The following PCBP3 variants were observed in gnomAD, a reference collection of about 807,000 sequenced individuals.
The protein encoded by PCBP3 is poly(rC) binding protein 3, also known as poly(rC)-binding protein 3.
In PCBP3, 25 loss-of-function variants were observed where a neutral mutation model predicts 52.7. The observed-to-expected ratio is 0.47, with a 90% CI of 0.35 to 0.66. PCBP3 has a LOEUF of 0.66. Among genes scored for constraint, PCBP3 ranks in the 30% least tolerant of loss-of-function variants. The pLI is 0.01. For missense variants in PCBP3, 391 were observed against 490.3 expected, an observed-to-expected ratio of 0.80 and a Z score of 1.91; for synonymous variants, 162 against 183.0, an observed-to-expected ratio of 0.89 and a Z score of 0.93.
intron 1 of PCBP3, among the ~76,000 whole-genome samples, chr21:45,648,633 G>A (rs1452598050): frequency 6.6e-6 from 1 of 152,194 alleles, no homozygotes. Context: ...CTTTCCAGAG[G>A]TTTGTTTCTT....
chr21:45,672,148 A>C (rs1245832495), intron 2 of PCBP3, among the ~76,000 whole-genome samples: 4 of 152,102 alleles, frequency 2.6e-5, no homozygotes, highest in Non-Finnish European at 5.9e-5. Context: ...TTATAAAAAG[A>C]GGAAGAGAGA....
At chr21:45,906,903 G>A (rs1376432114) in intron 9 of PCBP3, among the ~76,000 whole-genome samples, 3 of 152,306 alleles carry the variant, frequency 2.0e-5, no homozygotes, top group Middle Eastern at 3.4e-3. Flanking sequence ...GATTTGAAAC[G>A]CCTCCCAGGG....
Position 45,741,488 on chromosome 21 carries a change from T to C in PCBP3, c.-162+6059T>C, listed in dbSNP as rs1459337562. On this transcript the variant is annotated intron_variant, in intron 3 of 17. Transcript: ENST00000681687. The surrounding 1 kb of genome is among the most constrained non-coding windows in gnomAD (Gnocchi z 4.5). ...ACAGCTGATACATAAAGTTGTAAGA[T>C]CAAGAATAGCAATACAAACTCAGTA... Among the ~76,000 whole-genome samples, 1 of 151,640 alleles carries C rather than the reference T, an allele frequency of 6.6e-6. No homozygotes were observed. The highest frequency in any genetic ancestry group is 1.5e-5 in the Non-Finnish European group (1 of 67,954).
intron 14 of PCBP3, among the ~76,000 whole-genome samples, chr21:45,930,196 G>A (rs1176849702): frequency 6.6e-6 from 1 of 152,160 alleles, no homozygotes; most frequent in Non-Finnish European, 1.5e-5. Flanking sequence ...CGCTCCCACT[G>A]TTGGGGGCTG....
At chr21:45,873,675 G>A (rs551484697) in intron 5 of PCBP3, among the ~76,000 whole-genome samples, 48 of 152,324 alleles carry the variant, frequency 3.2e-4, no homozygotes, top group African/African-American at 7.9e-4. Context: ...GGGACCACGC[G>A]CTGGGTACTG....
intron 5 of PCBP3, among the ~76,000 whole-genome samples, chr21:45,882,131 C>T (rs2095419336): frequency 6.6e-6 from 1 of 152,216 alleles, no homozygotes; most frequent in Non-Finnish European, 1.5e-5. Flanking sequence ...AATGACTGTA[C>T]TAAGTTTCCC....
At chr21:45,892,084 C>T (rs1339037836) in intron 5 of PCBP3, among the ~76,000 whole-genome samples, 3 of 152,278 alleles carry the variant, frequency 2.0e-5, no homozygotes, top group African/African-American at 7.2e-5. Flanking sequence ...TGGAGTCCAC[C>T]CTCGGGAGTA....
chr21:45,939,956 C>T (rs1233507360), intron 16 of PCBP3, 74 bp from the exon 17 acceptor site: 10 of 1,401,606 alleles, frequency 7.1e-6, no homozygotes, highest in East Asian at 2.3e-5. Flanking sequence ...CCGGCCCCCT[C>T]GGGCGCACTG....
chr21:45,686,321 A>C (rs967874861), intron 2 of PCBP3, among the ~76,000 whole-genome samples: 1 of 152,202 alleles, frequency 6.6e-6, no homozygotes, highest in Non-Finnish European at 1.5e-5. Context: ...CAATCAGTAG[A>C]GGTAACGGAA....
chr21:45,923,884 CACGAGGAGATGCGAACACCGGGAACA>C (rs1431457152), intron 13 of PCBP3, among the ~76,000 whole-genome samples: 5 of 83,034 alleles, frequency 6.0e-5, no homozygotes, highest in African/African-American at 1.1e-4. Context: ...ATCGGGTGTG[CACGAGGAGATGCGAACACCGGGAACA>C]GTCGAGTGGG....
chr21:45,922,977 T>A (rs553481137), intron 13 of PCBP3, among the ~76,000 whole-genome samples: 71 of 122,954 alleles, frequency 5.8e-4, no homozygotes, highest in African/African-American at 2.4e-3. Flanking sequence ...TAGAAATGTG[T>A]CGTTGTAAGT....
At chr21:45,846,418 GT>G (rs1043602598) in intron 4 of PCBP3, among the ~76,000 whole-genome samples, 22 of 149,882 alleles carry the variant, frequency 1.5e-4, no homozygotes, top group Non-Finnish European at 2.4e-4. Flanking sequence ...ATACAAGCTA[GT>G]TTTTTGTTTG....
intron 2 of PCBP3, among the ~76,000 whole-genome samples, chr21:45,681,369 A>G (rs2081836984): frequency 6.6e-6 from 1 of 152,186 alleles, no homozygotes; most frequent in South Asian, 2.1e-4. Context: ...TTGATTTTCA[A>G]ATACTGGAGC....
At chr21:45,761,240 T>C (rs938096739) in intron 4 of PCBP3, 5 of 152,262 alleles carry the variant, frequency 3.3e-5, no homozygotes, top group African/African-American at 1.2e-4. Flanking sequence ...TGAAGACTTA[T>C]TTCTTCAGCC....
intron 2 of PCBP3, among the ~76,000 whole-genome samples, chr21:45,719,623 C>A (rs1015303225): frequency 6.6e-6 from 1 of 152,112 alleles, no homozygotes; most frequent in Non-Finnish European, 1.5e-5. Context: ...AAGCATCTGG[C>A]ACTTCTCCAT....
At chr21:45,740,981 C>G (rs1569170477) in intron 3 of PCBP3, among the ~76,000 whole-genome samples, 1 of 152,172 alleles carries the variant, frequency 6.6e-6, no homozygotes, top group African/African-American at 2.4e-5. Flanking sequence ...CAGTCTGGTT[C>G]CTCCCTGGAA....
At chr21:45,762,098 T>C (rs909977146) in intron 4 of PCBP3, 12 of 151,808 alleles carry the variant, frequency 7.9e-5, no homozygotes, top group Admixed American at 2.0e-4. Flanking sequence ...ACAACAAATA[T>C]GTATTATCTA....
At chr21:45,920,150 T>C (rs1353943102) in intron 13 of PCBP3, among the ~76,000 whole-genome samples, 1 of 152,164 alleles carries the variant, frequency 6.6e-6, no homozygotes, top group Non-Finnish European at 1.5e-5. Flanking sequence ...AGGGTTTGTG[T>C]TTACCCCAGA....
At chr21:45,693,763 T>C (rs2150460) in intron 2 of PCBP3, among the ~76,000 whole-genome samples, 25,330 of 151,998 alleles carry the variant, frequency 0.17, 2,224 homozygotes, top group Middle Eastern at 0.31. Flanking sequence ...CAGTCTGTCA[T>C]AGACAGACCT....
Sources: gnomAD v4.1 joint callset for allele counts (sites outside exome capture counted in the v4.1 genomes callset) on GRCh38, gnomAD v4.1.1 for gene constraint, Gnocchi (gnomAD v3.1) non-coding constraint, MANE v1.5 for transcripts, NCBI Gene and HGNC (gene_info 2026-07-23, HGNC 2026-07-21) for gene names.